Variants in CEACAM20 observed in about 807,000 individuals in gnomAD.
CEACAM20 encodes the protein CEA cell adhesion molecule 20, also known as cell adhesion molecule CEACAM20.
A neutral mutation model predicts 61.2 loss-of-function variants in CEACAM20; 50 were observed. The observed-to-expected ratio is 0.82, with a 90% confidence interval of 0.65 to 1.03. CEACAM20 has a LOEUF of 1.03. CEACAM20 is among the 50% of genes least tolerant of loss of function. The pLI is 0.00. For synonymous variants in CEACAM20, 282 were observed against 287.7 expected, an observed-to-expected ratio of 0.98 and a Z score of 0.20; for missense variants, 683 against 736.4, an observed-to-expected ratio of 0.93 and a Z score of 0.84.
At chr19:44,521,417 G>C (rs1259864827) in intron 4 of CEACAM20, among the ~76,000 whole-genome samples, 1 of 152,076 alleles carries the variant, frequency 6.6e-6, no homozygotes, top group Non-Finnish European at 1.5e-5. Flanking sequence ...TTTTATGTGA[G>C]TGTGTCATGT....
rs1208295328 is a variant in CEACAM20 at position 44,518,219 on chromosome 19, A to AAG, written c.1031-996_1031-995insCT. Among the ~76,000 whole-genome samples, 38 of 104,658 alleles carry AAG rather than the reference A, an allele frequency of 3.6e-4. 1 individual carries two copies. Among genetic ancestry groups the AAG allele is most frequent in the African/African-American group, 1.9e-3 (33 of 17,702 alleles). The allele number at this position is 104,658 out of a possible 152,430, so 68.7% of individuals were successfully genotyped here. On this transcript the variant is annotated intron_variant, in intron 5 of 11. Coordinates refer to ENST00000614924, the MANE Select transcript of CEACAM20 (RefSeq NM_001102597.3). ...GCAGGCAAGAAGGAAGGAAGGAAGG[A>AAG]GAGAGAGAGAGAGAGAAAGGAAGGA...
chr19:44,527,792 G>A (rs945188990), intron 1 of CEACAM20, among the ~76,000 whole-genome samples: 1 of 152,212 alleles, frequency 6.6e-6, no homozygotes, highest in Non-Finnish European at 1.5e-5. Flanking sequence ...GCAAGGCTGG[G>A]CTGAGCCCTC....
intron 11 of CEACAM20, among the ~76,000 whole-genome samples, chr19:44,507,854 C>G (rs1970863521): frequency 6.6e-6 from 1 of 152,158 alleles, no homozygotes; most frequent in Admixed American, 6.5e-5. Flanking sequence ...CATGATCGCA[C>G]TACTGCACAC....
chr19:44,520,806 T>C (rs1239713440), intron 4 of CEACAM20, 54 bp from the exon 5 acceptor site: 1 of 1,564,880 alleles, frequency 6.4e-7, no homozygotes, highest in African/African-American at 1.3e-5. Flanking sequence ...CCTCATCTCC[T>C]GCCCTTGTGG....
rs760857021 is a variant in CEACAM20, at chr19:44,511,050, T to A, written c.1717A>T (p.Asn573Tyr). The A allele has an allele frequency of 5.6e-5, 91 of 1,613,852 alleles. No homozygotes were observed. Among genetic ancestry groups the A allele is most frequent in the Non-Finnish European group, 1.2e-5 (14 of 1,179,876 alleles). Residue 573 changes from asparagine (N) to tyrosine (Y), a missense_variant, in exon 11 of 12, where the codon AAC (asparagine) becomes TAC (tyrosine). By Grantham distance (143) the Asn-to-Tyr change is moderately radical (BLOSUM62 -2). Transcript: ENST00000614924. ...PLRLVSTVPK[N>Y]MESIYEELVN... ...CATACCTCATAGATTGACTCCATGT[T>A]TTTTGGCACAGTGGAGACCAATCTG...
Position 44,524,169 on chromosome 19 carries a change from T to A in CEACAM20, c.289A>T (p.Ile97Phe). The A allele has an allele frequency of 1.2e-6, 2 of 1,613,952 alleles. No homozygotes were observed. ...TTGTTGGAAACCCAGTGGATGGTAA[T>A]GTTGACGTCCTTAGTGGTGCAGTAG... ...TFYCTTKDVN[I>F]TIHWVSNNLS... The change falls in exon 3 of 12, where the codon ATT (isoleucine) becomes TTT (phenylalanine). Residue 97 changes from isoleucine to phenylalanine, a missense_variant. Ile to Phe is a conservative substitution (Grantham distance 21). Transcript: ENST00000614924.
Position 44,512,851 on chromosome 19 carries a change from A to G in CEACAM20, c.1513+17T>C, listed in dbSNP as rs1278943968. On this transcript the variant is annotated intron_variant, in intron 8 of 11. Transcript: ENST00000614924. ...CTCACCCCTGCCCCAGGCATCAGCCACCATAGAGTCACTTACCGGAACTGG... is the reference window on the plus strand; with the variant it reads ...CTCACCCCTGCCCCAGGCATCAGCCGCCATAGAGTCACTTACCGGAACTGG... 1 of 1,607,266 alleles carries G rather than the reference A, an allele frequency of 6.2e-7. No individual in the cohort carries two copies. The highest frequency in any genetic ancestry group is 1.7e-5 in the Admixed American group (1 of 59,846).
intron 4 of CEACAM20, 59 bp from the exon 5 acceptor site, chr19:44,520,811 T>A: frequency 6.4e-7 from 1 of 1,551,426 alleles, no homozygotes; most frequent in Non-Finnish European, 8.7e-7. Flanking sequence ...TCTCCTGCCC[T>A]TGTGGGGCCC....
intron 5 of CEACAM20, among the ~76,000 whole-genome samples, chr19:44,519,057 C>A (rs757749257): frequency 6.6e-6 from 1 of 152,124 alleles, no homozygotes; most frequent in South Asian, 2.1e-4. Flanking sequence ...TCAAGGCCAT[C>A]GCACACTCTC....
intron 1 of CEACAM20, 61 bp downstream of exon 1, chr19:44,529,394 ACCG>A (rs1971645620): frequency 1.1e-5 from 13 of 1,168,620 alleles, no homozygotes; most frequent in Middle Eastern, 2.0e-4. Context: ...ACACACACAC[ACCG>A]CTGACAAATA....
In CEACAM20 at chr19:44,524,024, A is replaced by C. The variant is rs749838345; in HGVS notation, c.434T>G (p.Leu145Arg). 6 of 1,554,982 alleles carry C rather than the reference A, an allele frequency of 3.9e-6. No homozygotes were observed. The highest frequency in any genetic ancestry group is 5.2e-6 in the Non-Finnish European group (6 of 1,148,482). ...TYQCEARDAL[L>R]SQRSDPIFLD... is the part of the protein sequence containing the mutation. The stretch of plus-strand genomic sequence containing the variant: ...GAAGATGGGGTCGCTCCTCTGGCTC[A>C]GAAGGGCATCTCGAGCTTCACATTG... Residue 145 changes from leucine (L) to arginine (R), a missense_variant, in exon 3 of 12, where the codon CTG (leucine) becomes CGG (arginine). By Grantham distance (102) the Leu-to-Arg change is moderately radical. Transcript: ENST00000614924.
chr19:44,507,225 T>A (rs1156392625), intron 11 of CEACAM20, among the ~76,000 whole-genome samples: 1 of 152,156 alleles, frequency 6.6e-6, no homozygotes, highest in African/African-American at 2.4e-5. Context: ...CTAGGTGGTA[T>A]TTCTGGGAAG....
At chr19:44,520,283 G>A (rs780280732) in intron 5 of CEACAM20, among the ~76,000 whole-genome samples, 191 bp downstream of exon 5, 5 of 152,218 alleles carry the variant, frequency 3.3e-5, no homozygotes, top group Admixed American at 6.5e-5. Flanking sequence ...CTGCTTCTCT[G>A]TTTATGGTCT....
In CEACAM20 at chr19:44,524,217, C is replaced by T. The variant is rs780570685; in HGVS notation, c.241G>A (p.Glu81Lys). ...SIAVSPGTAI[E>K]QKDMVTFYCT... is the part of the protein sequence containing the mutation. ...TAGAAGGTCACCATGTCCTTCTGCT[C>T]TATGGCAGTGCCTGGGCTGACTGCA... The change falls in exon 3 of 12, where the codon GAG (glutamate) becomes AAG (lysine). Residue 81 changes from glutamate to lysine, a missense_variant. Coordinates refer to ENST00000614924, the MANE Select transcript of CEACAM20 (RefSeq NM_001102597.3). 5.0e-6 allele frequency: 8 copies of T among 1,613,818 alleles called. No homozygotes were observed. The African/African-American group carries it at 5.3e-5, about 11-fold the overall frequency.
chr19:44,510,966 GA>G, intron 11 of CEACAM20, 63 bp downstream of exon 11: 1 of 1,603,680 alleles, frequency 6.2e-7, no homozygotes, highest in Non-Finnish European at 8.5e-7. Context: ...CTTTAGTAGG[GA>G]AGAAAAAGCA....
At chr19:44,514,327 C>A (rs976101701) in intron 6 of CEACAM20, among the ~76,000 whole-genome samples, 1 of 152,152 alleles carries the variant, frequency 6.6e-6, no homozygotes, top group Non-Finnish European at 1.5e-5. Flanking sequence ...AGGGTGGAAT[C>A]GAGCCACTGA....
chr19:44,506,945 C>T (rs1226276306), intron 11 of CEACAM20, among the ~76,000 whole-genome samples: 2 of 152,224 alleles, frequency 1.3e-5, no homozygotes, highest in Non-Finnish European at 2.9e-5. Flanking sequence ...TAACTCTACA[C>T]CCTCTTCAGG....
chr19:44,520,740 A>G lies in CEACAM20; in HGVS notation c.764T>C (p.Met255Thr). The stretch of plus-strand genomic sequence containing the variant: ...CAGGCTTGAAGGCACGACTTGAGGC[A>G]TGGTCAGTGTTTCTGGAAACACGTG... ...LKVRVLETLT[M>T]PQVVPSSLNL... is the part of the protein sequence containing the mutation. The change falls in exon 5 of 12, where the codon ATG becomes ACG. Residue 255 changes from methionine (M) to threonine (T), a missense_variant. Met to Thr is a moderately conservative substitution (Grantham distance 81). Transcript: ENST00000614924. The G allele has an allele frequency of 1.9e-6, 3 of 1,612,856 alleles. No homozygotes were observed. Among genetic ancestry groups the G allele is most frequent in the African/African-American group, 2.7e-5 (2 of 75,026 alleles).
At chr19:44,523,463 A>C (rs1485151747) in intron 3 of CEACAM20, among the ~76,000 whole-genome samples, 1 of 152,118 alleles carries the variant, frequency 6.6e-6, no homozygotes, top group Non-Finnish European at 1.5e-5. Context: ...TGAGCCAGCT[A>C]ATGCTCTTTG....
Sources: allele counts gnomAD v4.1 joint callset (sites outside exome capture counted in the v4.1 genomes callset), GRCh38; gene constraint gnomAD v4.1.1; transcripts MANE v1.5; gene names NCBI Gene and HGNC (gene_info 2026-07-23, HGNC 2026-07-21).